Variants in SNTG1 observed in about 807,000 individuals in gnomAD.
SNTG1 encodes syntrophin gamma 1.
SNTG1 carries 39 observed loss-of-function variants against 74.7 expected under a neutral mutation model. That is an observed-to-expected ratio of 0.52 (90% CI 0.40 to 0.68). The LOEUF (loss-of-function observed/expected upper bound fraction) is 0.68. SNTG1 is among the 30% of genes least tolerant of loss of function. The pLI, the probability that SNTG1 is intolerant of heterozygous loss-of-function variation, is 0.00. For missense variants in SNTG1, 685 were observed against 609.5 expected, an observed-to-expected ratio of 1.12 and a Z score of -1.30; for synonymous variants, 254 against 217.1, an observed-to-expected ratio of 1.17 and a Z score of -1.49.
chr8:50,291,319 G>T (rs11784719), intron 2 of SNTG1, among the ~76,000 whole-genome samples: 71,316 of 151,584 alleles, frequency 0.47, 19,331 homozygotes, highest in East Asian at 0.83. Flanking sequence ...AACAAAACAG[G>T]GTAGAAGGAA....
chr8:50,449,647 T>C, intron 5 of SNTG1, 21 bp from the exon 6 acceptor site: 1 of 1,573,426 alleles, frequency 6.4e-7, no homozygotes, highest in Non-Finnish European at 8.6e-7. Flanking sequence ...AAAAGTACAA[T>C]ATATGATTTT....
intron 13 of SNTG1, among the ~76,000 whole-genome samples, chr8:50,625,481 G>C (rs1471007852): frequency 1.3e-5 from 2 of 152,084 alleles, no homozygotes; most frequent in Non-Finnish European, 2.9e-5. Flanking sequence ...AAAACACCCT[G>C]TAGAACACCA....
intron 2 of SNTG1, among the ~76,000 whole-genome samples, chr8:50,196,689 G>A (rs1035944877): frequency 6.6e-6 from 1 of 151,880 alleles, no homozygotes; most frequent in African/African-American, 2.4e-5. Context: ...GGGAGTGGTG[G>A]CTCATGCTTG....
chr8:50,711,571 G>A (rs1294629711), intron 17 of SNTG1, among the ~76,000 whole-genome samples: 1 of 152,182 alleles, frequency 6.6e-6, no homozygotes, highest in Non-Finnish European at 1.5e-5. Flanking sequence ...CAGGGAATGA[G>A]AGTCGGCATG....
At chr8:50,145,975 A>T (rs868018094) in intron 1 of SNTG1, among the ~76,000 whole-genome samples, 48 of 149,572 alleles carry the variant, frequency 3.2e-4, no homozygotes, top group South Asian at 8.4e-4. Flanking sequence ...ATAATAATAA[A>T]AAAAAAAAGA....
rs549569473 is a variant in SNTG1 at position 50,530,509 on chromosome 8, T to G, written c.549+250T>G. 2.0e-5 allele frequency among the ~76,000 whole-genome samples: 3 copies of G among 152,354 alleles called. No homozygotes were observed. The East Asian group carries it at 5.8e-4, about 29-fold the overall frequency. ...ATTAACTTGGGGATGTCACTGGAGA[T>G]GTATAATATACAATCATTTTAGAAC... On this transcript the variant is annotated intron_variant, in intron 10 of 18. Coordinates refer to ENST00000642720, the MANE Select transcript of SNTG1 (RefSeq NM_018967.5).
chr8:50,550,095 T>C (rs111739047), intron 11 of SNTG1, among the ~76,000 whole-genome samples: 2,101 of 152,272 alleles, frequency 0.014, 46 homozygotes, highest in African/African-American at 0.045. Flanking sequence ...ATAAGTTTAT[T>C]TCAGTTTCAT....
At chr8:50,367,324 A>G (rs1159058537) in intron 2 of SNTG1, among the ~76,000 whole-genome samples, 7 of 152,042 alleles carry the variant, frequency 4.6e-5, no homozygotes, top group Non-Finnish European at 7.4e-5. Flanking sequence ...ACAATATTAG[A>G]AAGAAAATAG....
chr8:50,055,138 T>A (rs561726580), intron 1 of SNTG1, among the ~76,000 whole-genome samples: 1 of 152,258 alleles, frequency 6.6e-6, no homozygotes, highest in South Asian at 2.1e-4. Flanking sequence ...CTTCAATGGC[T>A]CCACCTAGCT....
intron 2 of SNTG1, among the ~76,000 whole-genome samples, chr8:50,345,530 G>T (rs2091445979): frequency 6.6e-6 from 1 of 152,116 alleles, no homozygotes; most frequent in African/African-American, 2.4e-5. Context: ...TGCCTTACCT[G>T]GGAAGATAAA....
chr8:50,616,987 C>T (rs2094889485), intron 13 of SNTG1, among the ~76,000 whole-genome samples: 1 of 152,196 alleles, frequency 6.6e-6, no homozygotes, highest in South Asian at 2.1e-4. Context: ...TAAAGCTTTT[C>T]TATCAGACAG....
intron 2 of SNTG1, among the ~76,000 whole-genome samples, chr8:50,214,362 A>T (rs2084673497): frequency 6.6e-6 from 1 of 151,832 alleles, no homozygotes; most frequent in Non-Finnish European, 1.5e-5. Context: ...TACATATGTA[A>T]CTAACCTGCA....
chr8:50,600,772 T>A (rs2094767378), intron 13 of SNTG1, among the ~76,000 whole-genome samples: 1 of 152,118 alleles, frequency 6.6e-6, no homozygotes, highest in Admixed American at 6.6e-5. Context: ...TTGTTTTATT[T>A]GTTTATTTGT....
At chr8:50,519,646 C>T (rs769427299) in intron 9 of SNTG1, among the ~76,000 whole-genome samples, 1 of 152,096 alleles carries the variant, frequency 6.6e-6, no homozygotes, top group African/African-American at 2.4e-5. Context: ...CACAATCATT[C>T]CTATACACCA....
intron 2 of SNTG1, among the ~76,000 whole-genome samples, chr8:50,205,997 A>AAC (rs1386005344): frequency 2.0e-5 from 3 of 152,146 alleles, no homozygotes; most frequent in African/African-American, 7.2e-5. Flanking sequence ...GAAGTCAGGT[A>AAC]GTGTGATGCC....
chr8:50,051,703 C>T (rs1012923807), intron 1 of SNTG1, among the ~76,000 whole-genome samples: 1 of 152,068 alleles, frequency 6.6e-6, no homozygotes, highest in Non-Finnish European at 1.5e-5. Flanking sequence ...TGCCGTTCTG[C>T]CACCCAGTAT....
Position 50,043,180 on chromosome 8 carries a change from C to T in SNTG1, c.-102-129381C>T, listed in dbSNP as rs999137290. 3.9e-5 allele frequency among the ~76,000 whole-genome samples: 6 copies of T among 152,198 alleles called. 1 individual carries two copies. Among genetic ancestry groups the T allele is most frequent in the South Asian group, 4.1e-4 (2 of 4,824 alleles). ...CATTTAGGGAGAACATGTAAAAATA[C>T]AAATTTTCTTTATCAGTAGAGAATC... On this transcript the variant is annotated intron_variant, in intron 1 of 18. Transcript: ENST00000642720.
intron 2 of SNTG1, among the ~76,000 whole-genome samples, chr8:50,372,208 A>T (rs2092284603): frequency 6.8e-6 from 1 of 146,734 alleles, no homozygotes; most frequent in Non-Finnish European, 1.5e-5. Flanking sequence ...TGTTTCATTG[A>T]TCTTTCTCTG....
rs144114828 is a variant in SNTG1, at chr8:50,082,441, A to G, written c.-102-90120A>G. Among the ~76,000 whole-genome samples the G allele has an allele frequency of 1.9e-3, 293 of 152,236 alleles. 1 individual carries two copies. The highest frequency in any genetic ancestry group is 7.1e-3 in the East Asian group (37 of 5,180). On this transcript the variant is annotated intron_variant, in intron 1 of 18. Coordinates refer to ENST00000642720, the MANE Select transcript of SNTG1 (RefSeq NM_018967.5). ...TTGGTTGTTTATATAACTTGCCTGG[A>G]CAAAGTTTGTGAAGTCTTTCTTCCT...
Sources: gnomAD v4.1 joint callset for allele counts (sites outside exome capture counted in the v4.1 genomes callset) on GRCh38, gnomAD v4.1.1 for gene constraint, MANE v1.5 for transcripts, NCBI Gene and HGNC (gene_info 2026-07-23, HGNC 2026-07-21) for gene names.